The following COL6A6 variants were observed in gnomAD, a reference collection of about 807,000 sequenced individuals.
The protein encoded by COL6A6 is collagen type VI alpha 6 chain.
Under a neutral mutation model 208.6 loss-of-function variants are expected in COL6A6, and 183 were observed. That is an observed-to-expected ratio of 0.88 (90% confidence interval 0.78 to 0.99). The LOEUF (loss-of-function observed/expected upper bound fraction) is 0.99, where lower values mean the gene tolerates loss of function less well. Ranked by LOEUF, COL6A6 falls within the 50% of genes least tolerant of loss-of-function variation. The pLI, the probability that COL6A6 is intolerant of heterozygous loss-of-function variation, is 0.00. For missense variants in COL6A6, 2,816 were observed against 2,815.2 expected (o/e 1.00, Z -0.01); for synonymous variants, 973 against 1,011.8 (o/e 0.96, Z 0.73).
intron 1 of COL6A6, among the ~76,000 whole-genome samples, chr3:130,523,820 G>C (rs1057339515): frequency 6.6e-6 from 1 of 152,212 alleles, no homozygotes; most frequent in African/African-American, 2.4e-5. Context: ...TTTTGGAAAT[G>C]CAAGTGATGT....
intron 8 of COL6A6, among the ~76,000 whole-genome samples, chr3:130,575,862 C>T (rs2063282964): frequency 6.6e-6 from 1 of 152,140 alleles, no homozygotes. Context: ...CCTCCCCAAC[C>T]AAGCCACCTT....
chr3:130,665,307 A>G (rs2066048740), intron 36 of COL6A6, among the ~76,000 whole-genome samples: 1 of 151,938 alleles, frequency 6.6e-6, no homozygotes, highest in East Asian at 1.9e-4. Context: ...TTTTTTTTTA[A>G]TGGAAAAGCT....
chr3:130,517,668 C>T (rs1212967730), intron 1 of COL6A6, among the ~76,000 whole-genome samples: 1 of 152,234 alleles, frequency 6.6e-6, no homozygotes, highest in Non-Finnish European at 1.5e-5. Context: ...ATTCTCTGCT[C>T]CCATCTCCGC....
At chr3:130,561,923 A>T (rs1234607923) in intron 2 of COL6A6, among the ~76,000 whole-genome samples, 1 of 152,080 alleles carries the variant, frequency 6.6e-6, no homozygotes, top group Non-Finnish European at 1.5e-5. Flanking sequence ...AAGTGCTGGG[A>T]TTACAGGCGT....
chr3:130,592,492 T>C, intron 13 of COL6A6, 49 bp from the exon 14 acceptor site: 1 of 1,426,670 alleles, frequency 7.0e-7, no homozygotes, highest in Non-Finnish European at 9.6e-7. Flanking sequence ...TCAAGACAGA[T>C]CTCAGATTAC....
chr3:130,611,871 A>G (rs1263830890), intron 23 of COL6A6, among the ~76,000 whole-genome samples: 1 of 152,160 alleles, frequency 6.6e-6, no homozygotes, highest in Non-Finnish European at 1.5e-5. Context: ...TGGCATACAT[A>G]TTATTTTGCC....
At chr3:130,518,466 C>G (rs973449949) in intron 1 of COL6A6, among the ~76,000 whole-genome samples, 1 of 152,216 alleles carries the variant, frequency 6.6e-6, no homozygotes, top group African/African-American at 2.4e-5. Flanking sequence ...TTAAAATACA[C>G]AGCCTTAATA....
intron 13 of COL6A6, 115 bp from the exon 14 acceptor site, chr3:130,592,426 G>C (rs1017494943): frequency 4.1e-6 from 3 of 738,330 alleles, no homozygotes; most frequent in Non-Finnish European, 6.8e-6. Flanking sequence ...AAGAACTCTG[G>C]ATTGTGAACC....
chr3:130,617,454 A>G (rs547057638), intron 23 of COL6A6, among the ~76,000 whole-genome samples: 1 of 152,328 alleles, frequency 6.6e-6, no homozygotes, highest in South Asian at 2.1e-4. Flanking sequence ...ATGCAGAAAG[A>G]GGATGGAACC....
At chr3:130,673,208 C>CA (rs1391554013) in intron 36 of COL6A6, among the ~76,000 whole-genome samples, 103 of 95,468 alleles carry the variant, frequency 1.1e-3, no homozygotes, top group Middle Eastern at 4.7e-3. Context: ...ACAAAAAAAA[C>CA]AAAAAAAACA....
intron 31 of COL6A6, 57 bp downstream of exon 31, chr3:130,643,080 A>G: frequency 6.4e-7 from 1 of 1,563,032 alleles, no homozygotes; most frequent in East Asian, 2.3e-5. Flanking sequence ...CAAGAAAAGC[A>G]GAGAAACCTA....
chr3:130,581,493 A>G (rs1021895999), intron 8 of COL6A6, 68 bp from the exon 9 acceptor site: 3 of 1,134,372 alleles, frequency 2.6e-6, no homozygotes, highest in Non-Finnish European at 3.8e-6. Flanking sequence ...CTTGATTCAG[A>G]CATGGTGTCT....
At chr3:130,635,784 G>T (rs1442532300) in intron 28 of COL6A6, 23 bp downstream of exon 28, 2 of 1,569,750 alleles carry the variant, frequency 1.3e-6, no homozygotes, top group Middle Eastern at 1.7e-4. Context: ...GATTCCAATT[G>T]CTGACAACCT....
intron 12 of COL6A6, among the ~76,000 whole-genome samples, chr3:130,590,759 G>C (rs1476355924): frequency 6.6e-6 from 1 of 151,372 alleles, no homozygotes; most frequent in Non-Finnish European, 1.5e-5. Flanking sequence ...AGTAGAGACG[G>C]GGTTTCACCG....
chr3:130,606,404 G>C (rs1255748126), intron 20 of COL6A6, among the ~76,000 whole-genome samples: 1 of 152,038 alleles, frequency 6.6e-6, no homozygotes, highest in Admixed American at 6.6e-5. Context: ...TTTTTCTCAG[G>C]TAAGCATATT....
intron 12 of COL6A6, 103 bp downstream of exon 12, chr3:130,589,285 C>G (rs1229227209): frequency 1.9e-5 from 13 of 689,202 alleles, no homozygotes; most frequent in Non-Finnish European, 3.0e-5. Context: ...TAAATAGAGC[C>G]TCTTATATAA....
At chr3:130,559,220 G>A (rs1462072869) in intron 1 of COL6A6, among the ~76,000 whole-genome samples, 1 of 152,132 alleles carries the variant, frequency 6.6e-6, no homozygotes, top group Non-Finnish European at 1.5e-5. Context: ...TCCACTTTGG[G>A]ACTTAGTTTC....
intron 33 of COL6A6, among the ~76,000 whole-genome samples, chr3:130,658,135 A>C (rs912722615): frequency 3.9e-5 from 6 of 152,192 alleles, no homozygotes; most frequent in Non-Finnish European, 5.9e-5. Context: ...TAGAAACCTA[A>C]AGATAGTTTA....
chr3:130,553,137 C>T (rs1284996483), intron 1 of COL6A6, among the ~76,000 whole-genome samples: 19 of 152,106 alleles, frequency 1.2e-4, no homozygotes, highest in Non-Finnish European at 2.6e-4. Flanking sequence ...GGATGGCCAT[C>T]TTGTGTAGTA....
Sources: gnomAD v4.1 joint callset for allele counts (sites outside exome capture counted in the v4.1 genomes callset) on GRCh38, gnomAD v4.1.1 for gene constraint, MANE v1.5 for transcripts, NCBI Gene and HGNC (gene_info 2026-07-23, HGNC 2026-07-21) for gene names.